Variants in COL24A1 observed in about 807,000 individuals in gnomAD.
The protein encoded by COL24A1 is collagen alpha-1(XXIV) chain.
A neutral mutation model predicts 253.9 loss-of-function variants in COL24A1; 224 were observed. The observed-to-expected ratio is 0.88, with a 90% confidence interval of 0.79 to 0.99. The LOEUF is 0.99. Among genes scored for constraint, COL24A1 ranks in the 50% least tolerant of loss-of-function variants. The pLI is 0.00. For missense variants in COL24A1, 2,131 were observed against 2,068.5 expected, an observed-to-expected ratio of 1.03 and a Z score of -0.59; for synonymous variants, 685 against 673.7, an observed-to-expected ratio of 1.02 and a Z score of -0.26.
intron 20 of COL24A1, among the ~76,000 whole-genome samples, chr1:85,978,960 T>C (rs1692973970): frequency 6.6e-6 from 1 of 152,040 alleles, no homozygotes; most frequent in South Asian, 2.1e-4. Context: ...TCTCAATAAA[T>C]TTAAGAAAAT....
intron 51 of COL24A1, 86 bp downstream of exon 51, chr1:85,783,410 T>C (rs958739681): frequency 9.5e-7 from 1 of 1,049,604 alleles, no homozygotes; most frequent in African/African-American, 1.6e-5. Context: ...AGTTATTTAC[T>C]TGAAGTACAT....
chr1:85,769,179 T>C (rs1667696592), intron 53 of COL24A1, among the ~76,000 whole-genome samples: 1 of 152,212 alleles, frequency 6.6e-6, no homozygotes, highest in Non-Finnish European at 1.5e-5. Context: ...ATTTATTGAA[T>C]GCCAACTATA....
At chr1:85,905,364 A>G (rs1263512164) in intron 28 of COL24A1, among the ~76,000 whole-genome samples, 2 of 152,096 alleles carry the variant, frequency 1.3e-5, no homozygotes, top group Non-Finnish European at 2.9e-5. Context: ...TGGGGAATGG[A>G]TTGAAGAGAG....
intron 2 of COL24A1, among the ~76,000 whole-genome samples, chr1:86,142,854 C>T (rs1651357349): frequency 6.6e-6 from 1 of 152,052 alleles, no homozygotes; most frequent in African/African-American, 2.4e-5. Context: ...TGTACCAAGA[C>T]AGATTATTGT....
intron 24 of COL24A1, among the ~76,000 whole-genome samples, chr1:85,936,274 CTTA>C (rs1688240049): frequency 6.8e-6 from 1 of 147,306 alleles, no homozygotes; most frequent in Non-Finnish European, 1.5e-5. Flanking sequence ...TGGCCTACTT[CTTA>C]TTATAATTTA....
At chr1:85,756,803 G>A (rs1442780847) in intron 55 of COL24A1, among the ~76,000 whole-genome samples, 2 of 152,198 alleles carry the variant, frequency 1.3e-5, no homozygotes, top group Non-Finnish European at 1.5e-5. Context: ...CCAAAAGGTA[G>A]AAGCAACGTA....
chr1:86,134,406 G>C (rs1649868336), intron 2 of COL24A1, among the ~76,000 whole-genome samples: 1 of 151,108 alleles, frequency 6.6e-6, no homozygotes, highest in Admixed American at 6.6e-5. Context: ...GAATGTGTTT[G>C]CTCTTGCTTC....
chr1:86,074,766 T>A (rs965171896), intron 7 of COL24A1, among the ~76,000 whole-genome samples: 3 of 151,548 alleles, frequency 2.0e-5, no homozygotes, highest in African/African-American at 7.3e-5. Context: ...TCTCTCAGAC[T>A]ACATGGAAAC....
intron 47 of COL24A1, among the ~76,000 whole-genome samples, chr1:85,796,072 A>T (rs1418540523): frequency 6.6e-6 from 1 of 152,206 alleles, no homozygotes; most frequent in African/African-American, 2.4e-5. Flanking sequence ...AATGTAGCCA[A>T]TTGCTAGAAA....
At chr1:85,977,343 C>A (rs761148593) in intron 20 of COL24A1, among the ~76,000 whole-genome samples, 2 of 152,130 alleles carry the variant, frequency 1.3e-5, no homozygotes, top group African/African-American at 2.4e-5. Flanking sequence ...CACACTGGCT[C>A]CCCAGCAGTG....
At position 85,849,360 on chromosome 1, in the gene COL24A1, C is replaced by G; in HGVS notation, c.3347G>C (p.Gly1116Ala). The G allele has an allele frequency of 1.2e-6, 2 of 1,611,792 alleles. No homozygotes were observed. The highest frequency in any genetic ancestry group is 1.7e-6 in the Non-Finnish European group (2 of 1,178,868). The part of the protein sequence containing the change: ...VGIPGQRGRP[G>A]KKGDKGQIGP... The stretch of plus-strand genomic sequence containing the variant: ...GAAGATGTAAAAAATTACCTTTTTT[C>G]CTGGACGACCTCTTTGCCCTGGAAT... The change falls in exon 38 of 60, where the codon GGA becomes GCA. Residue 1116 changes from glycine (G) to alanine (A), a missense_variant. Physicochemically the swap from Gly to Ala is moderately conservative, Grantham distance 60. Coordinates refer to ENST00000370571, the MANE Select transcript of COL24A1 (RefSeq NM_152890.7).
At chr1:85,826,985 G>C (rs1674445044) in intron 43 of COL24A1, among the ~76,000 whole-genome samples, 1 of 151,648 alleles carries the variant, frequency 6.6e-6, no homozygotes. Flanking sequence ...GGTGAGAGAG[G>C]GCATCCCTGT....
At chr1:85,744,902 G>T in intron 56 of COL24A1, 68 bp from the exon 57 acceptor site, 1 of 1,222,560 alleles carries the variant, frequency 8.2e-7, no homozygotes, top group Non-Finnish European at 1.2e-6. Context: ...CAAGGCAGGA[G>T]AAGAATGTGT....
At chr1:85,830,027 C>T (rs552243629) in intron 43 of COL24A1, among the ~76,000 whole-genome samples, 13 of 152,096 alleles carry the variant, frequency 8.5e-5, no homozygotes, top group South Asian at 6.2e-4. Flanking sequence ...AGTTTTTCTG[C>T]TCTGTTTTTT....
chr1:86,045,714 AGCT>A, intron 12 of COL24A1: 1 of 309,294 alleles, frequency 3.2e-6, no homozygotes, highest in South Asian at 3.2e-5. Context: ...TTATAAGATT[AGCT>A]TCTACGTTCA....
At chr1:86,011,963 T>C (rs768149699) in intron 19 of COL24A1, among the ~76,000 whole-genome samples, 3 of 151,378 alleles carry the variant, frequency 2.0e-5, no homozygotes, top group Admixed American at 6.6e-5. Context: ...ATTTTTGAGA[T>C]TGGCCCTGGC....
intron 43 of COL24A1, among the ~76,000 whole-genome samples, chr1:85,838,250 TA>T (rs1298709183): frequency 1.3e-5 from 2 of 152,052 alleles, no homozygotes; most frequent in African/African-American, 4.8e-5. Context: ...CAAATATATT[TA>T]AAAAGTGACA....
chr1:85,940,981 G>A (rs973141804), intron 24 of COL24A1, among the ~76,000 whole-genome samples: 8 of 152,188 alleles, frequency 5.3e-5, no homozygotes, highest in African/African-American at 1.9e-4. Flanking sequence ...AATCAAAGGT[G>A]ATAATGTGAA....
At chr1:86,117,841 C>T (rs905455797) in intron 3 of COL24A1, among the ~76,000 whole-genome samples, 1 of 152,156 alleles carries the variant, frequency 6.6e-6, no homozygotes, top group Non-Finnish European at 1.5e-5. Context: ...AATGGTTTTG[C>T]AATCATACAA....
Sources: allele counts gnomAD v4.1 joint callset (sites outside exome capture counted in the v4.1 genomes callset), GRCh38; gene constraint gnomAD v4.1.1; transcripts MANE v1.5; gene names NCBI Gene and HGNC (gene_info 2026-07-23, HGNC 2026-07-21).